Variants in TIPIN observed in about 807,000 individuals in gnomAD.
TIPIN encodes TIMELESS-interacting protein.
TIPIN carries 29 observed loss-of-function variants against 35.6 expected under a neutral mutation model. That is an observed-to-expected ratio of 0.82 (90% CI 0.61 to 1.11). The LOEUF is 1.11. Among genes scored for constraint, TIPIN ranks in the 50% most tolerant of loss-of-function variants. The pLI, the probability that TIPIN is intolerant of heterozygous loss-of-function variation, is 0.00. For synonymous variants in TIPIN, 102 were observed against 121.5 expected, an observed-to-expected ratio of 0.84 and a Z score of 1.06; for missense variants, 296 against 345.4, an observed-to-expected ratio of 0.86 and a Z score of 1.13.
At chr15:66,347,811 T>G (rs1396471760) in intron 6 of TIPIN, among the ~76,000 whole-genome samples, 1 of 152,098 alleles carries the variant, frequency 6.6e-6, no homozygotes, top group African/African-American at 2.4e-5. Flanking sequence ...CCCAAACTCC[T>G]GACCTCAAGT....
At chr15:66,385,646 G>A (rs1294518185) in intron 1 of TIPIN, among the ~76,000 whole-genome samples, 7 of 151,830 alleles carry the variant, frequency 4.6e-5, no homozygotes, top group East Asian at 3.9e-4. Context: ...CCGCCACCAC[G>A]CCCAGCTAAT....
chr15:66,339,280 C>CTA (rs2093069049), intron 7 of TIPIN, among the ~76,000 whole-genome samples: 1 of 142,938 alleles, frequency 7.0e-6, no homozygotes, highest in East Asian at 2.0e-4. Flanking sequence ...TATTATAATT[C>CTA]TTTTTTTTTT....
In TIPIN at chr15:66,371,000, C is replaced by A. The variant is rs944491656; in HGVS notation, c.-9+15607G>T. On this transcript the variant is annotated intron_variant, in intron 1 of 7. Transcript: ENST00000562124. ...CCAAGGCATATGGATCACTTGAGGC[C>A]AGGAGTTCGAGACCAGCCTGGCCAA... 1.6e-4 allele frequency among the ~76,000 whole-genome samples: 24 copies of A among 152,096 alleles called. 1 individual carries two copies. Among genetic ancestry groups the A allele is most frequent in the Non-Finnish European group, 5.9e-5 (4 of 68,010 alleles).
chr15:66,384,581 G>A (rs564252171), intron 1 of TIPIN, among the ~76,000 whole-genome samples: 90 of 152,068 alleles, frequency 5.9e-4, no homozygotes, highest in African/African-American at 2.0e-3. Flanking sequence ...GGTGGTAGCC[G>A]CCACTGCATC....
intron 1 of TIPIN, among the ~76,000 whole-genome samples, chr15:66,384,387 C>A (rs2093329078): frequency 6.6e-6 from 1 of 152,018 alleles, no homozygotes; most frequent in African/African-American, 2.4e-5. Flanking sequence ...CTCTGCCTCC[C>A]TGGTTCAGGC....
At chr15:66,374,915 G>C (rs2093290857) in intron 1 of TIPIN, among the ~76,000 whole-genome samples, 1 of 151,984 alleles carries the variant, frequency 6.6e-6, no homozygotes, top group African/African-American at 2.4e-5. Context: ...TCACCATGTT[G>C]GCCAGGATGG....
At chr15:66,347,481 T>C (rs895939552) in intron 6 of TIPIN, 2 of 269,936 alleles carry the variant, frequency 7.4e-6, no homozygotes, top group African/African-American at 4.4e-5. Flanking sequence ...TATCTTGATA[T>C]ATATTTTTAT....
At chr15:66,379,354 G>T (rs1005606771) in intron 1 of TIPIN, 15 of 1,595,940 alleles carry the variant, frequency 9.4e-6, no homozygotes, top group Non-Finnish European at 1.3e-5. Flanking sequence ...TCATCCTGCT[G>T]AACAGTTCCT....
chr15:66,336,361 CT>C lies in TIPIN; in HGVS notation c.*596del, dbSNP rs62625676. The C allele has an allele frequency of 0.018, 2,732 of 153,086 alleles. 39 individuals are homozygous for C. The highest frequency in any genetic ancestry group is 0.041 in the Middle Eastern group (12 of 294). 9.5% of individuals were successfully genotyped at this position (153,086 alleles called of 1,614,324 possible). ...CTGAGGTTAGGAGTTTGAGACCAGC[CT>C]GGCCAACATGGTGAAACCTCATCTC... On this transcript the variant is annotated 3_prime_UTR_variant, in exon 8 of 8. Coordinates refer to ENST00000261881, the MANE Select transcript of TIPIN (RefSeq NM_017858.3).
chr15:66,352,227 TTCAG>T lies in TIPIN; in HGVS notation c.134-24_134-21del. 2 of 1,521,664 alleles carry T rather than the reference TTCAG, an allele frequency of 1.3e-6. No homozygotes were observed. The highest frequency in any genetic ancestry group is 1.8e-6 in the Non-Finnish European group (2 of 1,108,644). 94.3% of individuals were successfully genotyped at this position (1,521,664 alleles called of 1,614,324 possible). ...CTGACTCTGGTGAAACAAACCACGA[TTCAG>T]TATTACTGTACTTAAATGATTTGTA... On this transcript the variant is annotated intron_variant, in intron 2 of 7. Transcript: ENST00000261881.
upstream of TIPIN, among the ~76,000 whole-genome samples, chr15:66,357,592 T>G: frequency 2.3e-5 from 1 of 42,556 alleles, no homozygotes. Flanking sequence ...TGAGATCTTG[T>G]CGCAAAAAAA....
intron 1 of TIPIN, among the ~76,000 whole-genome samples, chr15:66,381,667 C>T (rs1436208264): frequency 6.6e-6 from 1 of 152,088 alleles, no homozygotes; most frequent in Non-Finnish European, 1.5e-5. Context: ...TTCTGTATAG[C>T]TTTCATAATT....
intron 7 of TIPIN, among the ~76,000 whole-genome samples, chr15:66,339,874 ATTT>A (rs199989826): frequency 6.8e-6 from 1 of 146,650 alleles, no homozygotes; most frequent in African/African-American, 2.5e-5. Context: ...AAGAAAAAGC[ATTT>A]TTTTTTTTTT....
rs966186070 is a variant in TIPIN at position 66,353,074 on chromosome 15, C to T, written c.-8-119G>A. The T allele has an allele frequency of 1.2e-5, 12 of 964,210 alleles. No homozygotes were observed. The Middle Eastern group carries it at 7.0e-4, about 56-fold the overall frequency. 59.7% of individuals were successfully genotyped at this position (964,210 alleles called of 1,614,324 possible). A position where few individuals can be genotyped will look rare whatever the true frequency, so the allele number is the denominator to read the frequency against. On this transcript the variant is annotated intron_variant, in intron 1 of 7. Transcript: ENST00000261881. Reference sequence around the variant, plus strand: ...AGTTAGACCACATTTCAAACTCACACATCATGAAAAGTAGAGAAGATACTA... The same window carrying T: ...AGTTAGACCACATTTCAAACTCACATATCATGAAAAGTAGAGAAGATACTA...
chr15:66,372,798 G>C (rs935933858), intron 1 of TIPIN, among the ~76,000 whole-genome samples: 1 of 152,168 alleles, frequency 6.6e-6, no homozygotes, highest in African/African-American at 2.4e-5. Flanking sequence ...AGCTACTTGG[G>C]AGGCTGAGGC....
intron 1 of TIPIN, among the ~76,000 whole-genome samples, chr15:66,372,569 T>G (rs2093281241): frequency 6.6e-6 from 1 of 152,212 alleles, no homozygotes; most frequent in African/African-American, 2.4e-5. Context: ...TAAAAACGTT[T>G]TGGTCAACCA....
At chr15:66,360,999 G>A (rs367645168), upstream of TIPIN, among the ~76,000 whole-genome samples, 7 of 152,016 alleles carry the variant, frequency 4.6e-5, no homozygotes, top group Admixed American at 2.0e-4. Flanking sequence ...GGGCATAGTG[G>A]CACACACCTG....
intron 6 of TIPIN, chr15:66,347,348 TCTCA>T (rs2093133751): frequency 2.0e-6 from 1 of 505,540 alleles, no homozygotes; most frequent in South Asian, 1.4e-5. Context: ...GTCACAAAGG[TCTCA>T]CTAAAGTCCT....
At chr15:66,383,656 A>C in intron 1 of TIPIN, 1 of 870,040 alleles carries the variant, frequency 1.1e-6, no homozygotes. Flanking sequence ...CTACACACAC[A>C]TGCATACATT....
Sources: allele counts gnomAD v4.1 joint callset (sites outside exome capture counted in the v4.1 genomes callset), GRCh38; gene constraint gnomAD v4.1.1; transcripts MANE v1.5; gene names NCBI Gene and HGNC (gene_info 2026-07-23, HGNC 2026-07-21).